The following GPR179 variants were observed in gnomAD, a reference collection of about 807,000 sequenced individuals.
GPR179 encodes G protein-coupled receptor 179.
Under a neutral mutation model 70.8 loss-of-function variants are expected in GPR179, and 52 were observed. That is an observed-to-expected ratio of 0.73 (90% CI 0.59 to 0.93). GPR179 has a LOEUF of 0.93. Ranked by LOEUF, GPR179 falls within the 40% of genes least tolerant of loss-of-function variation. The pLI is 0.00. For missense variants in GPR179, 2,734 were observed against 2,966.8 expected (o/e 0.92, Z 1.82); for synonymous variants, 1,123 against 1,169.0 (o/e 0.96, Z 0.80).
At chr17:38,342,873 C>T in intron 1 of GPR179, 123 bp downstream of exon 1, 1 of 922,988 alleles carries the variant, frequency 1.1e-6, no homozygotes. Context: ...CAAATACCCA[C>T]ATCTGTGTGC....
rs200122614 is a variant in GPR179, at chr17:38,329,098, C to T, written c.4471G>A (p.Glu1491Lys). 1.1e-4 allele frequency: 185 copies of T among 1,612,742 alleles called. No homozygotes were observed. The African/African-American group carries it at 2.4e-3, about 21-fold the overall frequency. The change falls in exon 11 of 11, where the codon GAA becomes AAA. Residue 1491 changes from glutamate (E) to lysine (K), a missense_variant. Glu to Lys is a moderately conservative substitution (Grantham distance 56). Coordinates refer to ENST00000616987, the MANE Select transcript of GPR179 (RefSeq NM_001004334.4). Reference sequence around the variant, plus strand: ...CTACCTGTCCCCAGACTCAGCATTTCCTGCCCCATCACGTTATCATCCAGC... The same window carrying T: ...CTACCTGTCCCCAGACTCAGCATTTTCTGCCCCATCACGTTATCATCCAGC... ...WELDDNVMGQ[E>K]MLSLGTGRES...
rs2144269515 is a variant in GPR179 at position 38,334,861 on chromosome 17, GGAGA to G, written c.1646-23_1646-20del. 5.0e-6 allele frequency: 8 copies of G among 1,609,120 alleles called. No individual in the cohort carries two copies. Among genetic ancestry groups the G allele is most frequent in the Non-Finnish European group, 6.8e-6 (8 of 1,178,552 alleles). The stretch of plus-strand genomic sequence containing the variant: ...AGCTCAGCTGTGGGGAGACAGGGAG[GGAGA>G]GAGCCGGCACCACCTCAGCAGCTGT... On this transcript the variant is annotated intron_variant, in intron 7 of 10. Coordinates refer to ENST00000616987, the MANE Select transcript of GPR179 (RefSeq NM_001004334.4). The surrounding 1 kb of genome is among the most constrained non-coding windows in gnomAD (Gnocchi z 4.7).
rs4073199 is a variant in GPR179 at position 38,333,859 on chromosome 17, C to T, written c.1890+74G>A. On this transcript the variant is annotated intron_variant, in intron 9 of 10. Coordinates refer to ENST00000616987, the MANE Select transcript of GPR179 (RefSeq NM_001004334.4). ...TCACCCTGGCCTGCAGAGGGCGCTG[C>T]GGGACAACCGCTCCACAGTGGCCCT... is the stretch of plus-strand genomic sequence containing the variant. The T allele has an allele frequency of 5.4e-3, 6,322 of 1,175,024 alleles. 179 individuals are homozygous for T. In the African/African-American group the frequency reaches 0.07, roughly 13 times the overall value. The allele number at this position is 1,175,024 out of a possible 1,614,324, so 72.8% of individuals were successfully genotyped here.
At chr17:38,338,595 G>A (rs1444004710) in intron 2 of GPR179, among the ~76,000 whole-genome samples, 1 of 152,178 alleles carries the variant, frequency 6.6e-6, no homozygotes, top group Non-Finnish European at 1.5e-5. Context: ...TGAACTGGAT[G>A]GTGGGAGCCC....
At position 38,326,069 on chromosome 17, in the gene GPR179, C is replaced by G. The variant is rs189371792; in HGVS notation, c.*396G>C. On this transcript the variant is annotated 3_prime_UTR_variant, in exon 11 of 11. Transcript: ENST00000616987. ...TCAAAAAATGCTCCATCGTAGACTTCAGAGAATTGGGTCCCCCTGTGAGAG... is the reference window on the plus strand; with the variant it reads ...TCAAAAAATGCTCCATCGTAGACTTGAGAGAATTGGGTCCCCCTGTGAGAG... 267 of 194,644 alleles carry G rather than the reference C, an allele frequency of 1.4e-3. 2 individuals carry two copies. The highest frequency in any genetic ancestry group is 6.0e-3 in the African/African-American group (258 of 42,988). 12.1% of individuals were successfully genotyped at this position (194,644 alleles called of 1,614,324 possible). A position where few individuals can be genotyped will look rare whatever the true frequency, so the allele number is the denominator to read the frequency against.
chr17:38,325,877 A>G lies in GPR179; in HGVS notation c.*588T>C, dbSNP rs1226434956. 1 of 152,358 alleles carries G rather than the reference A, an allele frequency of 6.6e-6. No individual in the cohort carries two copies. The highest frequency in any genetic ancestry group is 2.4e-5 in the African/African-American group (1 of 41,460). 9.4% of individuals were successfully genotyped at this position (152,358 alleles called of 1,614,324 possible). A position where few individuals can be genotyped will look rare whatever the true frequency, so the allele number is the denominator to read the frequency against. On this transcript the variant is annotated 3_prime_UTR_variant, in exon 11 of 11. Transcript: ENST00000616987. ...CAGGAGATTCAAAGTCAAAATGACA[A>G]GGTCCTTAAAGCATTTTCAGGCCCC... is the stretch of plus-strand genomic sequence containing the variant.
Position 38,326,741 on chromosome 17 carries a change from G to T in GPR179, c.6828C>A (p.Cys2276Ter), listed in dbSNP as rs749660256. 6.2e-7 allele frequency: 1 copy of T among 1,614,222 alleles called. No homozygotes were observed. The highest frequency in any genetic ancestry group is 1.1e-5 in the South Asian group (1 of 91,092). ...FFPTAPEKPL[C>*]LLVHGPLDHF... ...GATCCAGAGGCCCATGGACTAAAAGGCATAGTGGTTTTTCAGGAGCTGTGG... is the reference window on the plus strand; with the variant it reads ...GATCCAGAGGCCCATGGACTAAAAGTCATAGTGGTTTTTCAGGAGCTGTGG... Residue 2276 changes from cysteine to a stop codon, truncating the protein, a stop_gained, in exon 11 of 11, where the codon TGC becomes TGA. Transcript: ENST00000616987. LOFTEE classifies it low-confidence loss of function (END_TRUNC).
At position 38,343,376 on chromosome 17, in the gene GPR179, G is replaced by T; in HGVS notation, c.414C>A (p.Ala138=). 1 of 1,614,142 alleles carries T rather than the reference G, an allele frequency of 6.2e-7. No homozygotes were observed. Among genetic ancestry groups the T allele is most frequent in the South Asian group, 1.1e-5 (1 of 91,086 alleles). ...CCCTGTACACTCTTGGGTCCCCCTC[G>T]GCCACGCTGCGGACCAGTGCCTGGT... is the stretch of plus-strand genomic sequence containing the variant. ...EWYQALVRSV[A]EGDPRVYRAL... The change falls in exon 1 of 11, where the codon GCC becomes GCA. Residue 138 remains alanine (A), a synonymous_variant. Transcript: ENST00000616987. The surrounding 1 kb of genome is among the most constrained non-coding windows in gnomAD (Gnocchi z 4.2).
chr17:38,334,871 G>A lies in GPR179; in HGVS notation c.1646-29C>T, dbSNP rs368389287. 1.0e-5 allele frequency: 16 copies of A among 1,607,718 alleles called. No homozygotes were observed. Among genetic ancestry groups the A allele is most frequent in the Middle Eastern group, 1.7e-4 (1 of 5,924 alleles). On this transcript the variant is annotated intron_variant, in intron 7 of 10. Coordinates refer to ENST00000616987, the MANE Select transcript of GPR179 (RefSeq NM_001004334.4). The surrounding 1 kb of genome is among the most constrained non-coding windows in gnomAD (Gnocchi z 4.7). ...TGGGGAGACAGGGAGGGAGAGAGCC[G>A]GCACCACCTCAGCAGCTGTCCCACC...
rs2144263609 is a variant in GPR179 at position 38,330,995 on chromosome 17, G to A, written c.2574C>T (p.Tyr858=). 1.9e-6 allele frequency: 3 copies of A among 1,612,038 alleles called. No individual in the cohort carries two copies. Residue 858 remains tyrosine (Y), a synonymous_variant, in exon 11 of 11, where the codon TAC becomes TAT. Coordinates refer to ENST00000616987, the MANE Select transcript of GPR179 (RefSeq NM_001004334.4). Reference sequence around the variant, plus strand: ...TTGCTTGCCGGTAGGTCTCCTCCAGGTAGGCCTGGCTGGCCATGAGCAAGG... The same window carrying A: ...TTGCTTGCCGGTAGGTCTCCTCCAGATAGGCCTGGCTGGCCATGAGCAAGG... The part of the protein sequence containing the change: ...EKALLMASQA[Y]LEETYRQAKE...
At position 38,331,013 on chromosome 17, in the gene GPR179, G is replaced by GTAGGT. The variant is rs2037352582; in HGVS notation, c.2555_2556insACCTA (p.Met853ProfsTer118). 1 of 1,610,920 alleles carries GTAGGT rather than the reference G, an allele frequency of 6.2e-7. No individual in the cohort carries two copies. The highest frequency in any genetic ancestry group is 8.5e-7 in the Non-Finnish European group (1 of 1,179,962). Reference sequence around the variant, plus strand: ...CCTCCAGGTAGGCCTGGCTGGCCATGAGCAAGGCCTTTTCCCTGGAGCTGG... The same window carrying GTAGGT: ...CCTCCAGGTAGGCCTGGCTGGCCATGTAGGTAGCAAGGCCTTTTCCCTGGAGCTGG... On this transcript the variant is annotated frameshift_variant, in exon 11 of 11. Transcript: ENST00000616987. LOFTEE classifies it low-confidence loss of function (END_TRUNC).
chr17:38,334,388 AG>A lies in GPR179; in HGVS notation c.1784+315del, dbSNP rs1263355776. Among the ~76,000 whole-genome samples, 1 of 152,074 alleles carries A rather than the reference AG, an allele frequency of 6.6e-6. No individual in the cohort carries two copies. Among genetic ancestry groups the A allele is most frequent in the Admixed American group, 6.5e-5 (1 of 15,280 alleles). On this transcript the variant is annotated intron_variant, in intron 8 of 10. Coordinates refer to ENST00000616987, the MANE Select transcript of GPR179 (RefSeq NM_001004334.4). This position sits in a 1 kb window ranked among gnomAD's most constrained non-coding sequence, Gnocchi z 4.7. ...GCTCTTATGGCTGAGGAGTGAGGGG[AG>A]AAGGCAGGGAGGACTGAGCATGTGT...
In GPR179 at chr17:38,331,129, C is replaced by T; in HGVS notation, c.2440G>A (p.Gly814Ser). 1 of 1,604,308 alleles carries T rather than the reference C, an allele frequency of 6.2e-7. No homozygotes were observed. The change falls in exon 11 of 11, where the codon GGC becomes AGC. Residue 814 changes from glycine (G) to serine (S), a missense_variant. Gly to Ser is a moderately conservative substitution (Grantham distance 56, BLOSUM62 0). Coordinates refer to ENST00000616987, the MANE Select transcript of GPR179 (RefSeq NM_001004334.4). The stretch of plus-strand genomic sequence containing the variant: ...TTGTGGGCGCTGGCTGACCTGAAGC[C>T]CAGGGCAGGGGGCCCCTCCACCGAC... ...RESVEGPPAL[G>S]FRSASAHNLT...
intron 1 of GPR179, among the ~76,000 whole-genome samples, 155 bp from the exon 2 acceptor site, chr17:38,339,680 AG>A (rs938078902): frequency 7.2e-5 from 11 of 152,214 alleles, no homozygotes; most frequent in African/African-American, 2.4e-4. Flanking sequence ...AGGGTTCAGA[AG>A]TAAGGTCTCT....
At chr17:38,337,964 C>T (rs1233852845) in intron 2 of GPR179, among the ~76,000 whole-genome samples, 1 of 152,234 alleles carries the variant, frequency 6.6e-6, no homozygotes, top group Non-Finnish European at 1.5e-5. Flanking sequence ...GGAGAAATCA[C>T]CCTTTTGTTC....
At chr17:38,335,337 C>A in intron 6 of GPR179, 66 bp from the exon 7 acceptor site, 1 of 1,243,832 alleles carries the variant, frequency 8.0e-7, no homozygotes. Flanking sequence ...AGGGTGCCAG[C>A]GCCCTGGTCT....
chr17:38,331,446 C>T lies in GPR179; in HGVS notation c.2123G>A (p.Arg708Gln), dbSNP rs376095793. Reference protein sequence around the residue: ...AANNPHLPKKRGSSCQGLGRS... With the variant: ...AANNPHLPKKQGSSCQGLGRS... ...GCCCAGTCCCTGGCATGAGCTGCCT[C>T]GCTTCTTGGGCAGGTGGGGGTTGTT... The change falls in exon 11 of 11, where the codon CGA becomes CAA. Residue 708 changes from arginine to glutamine, a missense_variant. Arg to Gln is a conservative substitution (Grantham distance 43, BLOSUM62 1). Transcript: ENST00000616987. 3.7e-5 allele frequency: 59 copies of T among 1,614,050 alleles called. No homozygotes were observed. The highest frequency in any genetic ancestry group is 4.2e-5 in the Non-Finnish European group (50 of 1,180,016).
Position 38,330,407 on chromosome 17 carries a change from G to A in GPR179, c.3162C>T (p.His1054=), listed in dbSNP as rs781722942. The change falls in exon 11 of 11, where the codon CAC becomes CAT. Residue 1054 remains histidine (H), a synonymous_variant. Coordinates refer to ENST00000616987, the MANE Select transcript of GPR179 (RefSeq NM_001004334.4). ...ENEMDAEDAH[H]QREANDVDED... ...CGTCCACATCATTAGCTTCCCTCTG[G>A]TGATGTGCATCCTCTGCGTCCATCT... 1.2e-6 allele frequency: 2 copies of A among 1,608,538 alleles called. No homozygotes were observed. The highest frequency in any genetic ancestry group is 1.7e-6 in the Non-Finnish European group (2 of 1,177,070).
rs777235284 is a variant in GPR179 at position 38,342,979 on chromosome 17, TG to T, written c.794+16del. ...ACATCCCCACACATGCATCAAATCC[TG>T]CACAAACCCACTTACCTGACTTCTG... is the stretch of plus-strand genomic sequence containing the variant. On this transcript the variant is annotated intron_variant, in intron 1 of 10. Coordinates refer to ENST00000616987, the MANE Select transcript of GPR179 (RefSeq NM_001004334.4). 1.9e-6 allele frequency: 3 copies of T among 1,576,656 alleles called. No individual in the cohort carries two copies. In the Admixed American group the frequency reaches 5.3e-5, roughly 28 times the overall value.
Sources: gnomAD v4.1 joint callset for allele counts (sites outside exome capture counted in the v4.1 genomes callset) on GRCh38, gnomAD v4.1.1 for gene constraint, Gnocchi (gnomAD v3.1) non-coding constraint, MANE v1.5 for transcripts, NCBI Gene and HGNC (gene_info 2026-07-23, HGNC 2026-07-21) for gene names.